Variants in SPOPL observed in about 807,000 individuals in gnomAD.
SPOPL encodes the protein speckle type BTB/POZ protein like.
Under a neutral mutation model 53.8 loss-of-function variants are expected in SPOPL, and 23 were observed. The observed-to-expected ratio is 0.43, with a 90% CI of 0.31 to 0.61. SPOPL has a LOEUF of 0.61. SPOPL is among the 20% of genes least tolerant of loss of function. The pLI is 0.12. For synonymous variants in SPOPL, 164 were observed against 149.7 expected (o/e 1.10, Z -0.70); for missense variants, 442 against 466.9 (o/e 0.95, Z 0.49).
At chr2:138,547,242 A>G (rs1685215846) in intron 1 of SPOPL, among the ~76,000 whole-genome samples, 1 of 152,206 alleles carries the variant, frequency 6.6e-6, no homozygotes, top group Non-Finnish European at 1.5e-5. Context: ...CTGGGATTAC[A>G]GGCGTGAGCC....
intron 1 of SPOPL, among the ~76,000 whole-genome samples, chr2:138,543,082 G>A (rs1685110787): frequency 6.6e-6 from 1 of 152,208 alleles, no homozygotes; most frequent in South Asian, 2.1e-4. Flanking sequence ...CTTCTGGCTT[G>A]TAGAGTTTCT....
intron 1 of SPOPL, among the ~76,000 whole-genome samples, chr2:138,512,797 A>G (rs1173019715): frequency 6.6e-6 from 1 of 152,110 alleles, no homozygotes; most frequent in Non-Finnish European, 1.5e-5. Context: ...TTATTGACTG[A>G]CTGTTAAATA....
chr2:138,555,756 A>T (rs1685410923), intron 5 of SPOPL, among the ~76,000 whole-genome samples: 1 of 152,198 alleles, frequency 6.6e-6, no homozygotes, highest in South Asian at 2.1e-4. Context: ...AGATCCCTCA[A>T]ATGTTCCTTG....
At chr2:138,559,665 G>A (rs1013806832) in intron 7 of SPOPL, among the ~76,000 whole-genome samples, 1 of 152,146 alleles carries the variant, frequency 6.6e-6, no homozygotes, top group Non-Finnish European at 1.5e-5. Context: ...TTCTCCCTTT[G>A]TAAGACTTTA....
At chr2:138,511,132 T>G (rs779543927) in intron 1 of SPOPL, among the ~76,000 whole-genome samples, 1 of 152,230 alleles carries the variant, frequency 6.6e-6, no homozygotes, top group Middle Eastern at 3.2e-3. Context: ...ATGAAAATAC[T>G]TTTTCCTGTA....
intron 1 of SPOPL, among the ~76,000 whole-genome samples, chr2:138,514,712 G>A (rs918623347): frequency 2.0e-5 from 3 of 152,070 alleles, no homozygotes; most frequent in Non-Finnish European, 4.4e-5. Flanking sequence ...GCATTTCCCT[G>A]GGTAATGTAC....
intron 1 of SPOPL, among the ~76,000 whole-genome samples, chr2:138,531,471 G>C (rs1014534819): frequency 6.6e-6 from 1 of 151,726 alleles, no homozygotes; most frequent in Non-Finnish European, 1.5e-5. Flanking sequence ...ACAATTTTTC[G>C]TTGGCCAGTT....
At chr2:138,525,164 C>T (rs111448058) in intron 1 of SPOPL, among the ~76,000 whole-genome samples, 277 of 152,312 alleles carry the variant, frequency 1.8e-3, no homozygotes, top group African/African-American at 6.5e-3. Flanking sequence ...GCCTCACAAT[C>T]ATGGCAGAAG....
rs774356762 is a variant in SPOPL at position 138,563,125 on chromosome 2, AT to A, written c.838-1580del. ...AACTCAGTTATAAGAAAACAATGTT[AT>A]TTCTAAAAGACAAAACGTTTGAGCA... On this transcript the variant is annotated intron_variant, in intron 8 of 10. Coordinates refer to ENST00000280098, the MANE Select transcript of SPOPL (RefSeq NM_001001664.3). Among the ~76,000 whole-genome samples, 109 of 152,332 alleles carry A rather than the reference AT, an allele frequency of 7.2e-4. 1 individual carries two copies. The highest frequency in any genetic ancestry group is 8.2e-4 in the Non-Finnish European group (56 of 68,020).
chr2:138,542,236 A>C (rs1227630580), intron 1 of SPOPL, among the ~76,000 whole-genome samples: 1 of 152,178 alleles, frequency 6.6e-6, no homozygotes, highest in Non-Finnish European at 1.5e-5. Flanking sequence ...AGAGTTCTGT[A>C]GATGTCTATT....
At chr2:138,522,211 G>T (rs1008089835) in intron 1 of SPOPL, among the ~76,000 whole-genome samples, 3 of 152,122 alleles carry the variant, frequency 2.0e-5, no homozygotes, top group African/African-American at 7.2e-5. Context: ...AATCACTTGA[G>T]GGGGGATTGT....
intron 4 of SPOPL, 150 bp downstream of exon 4, chr2:138,551,204 A>T: frequency 1.2e-6 from 1 of 833,288 alleles, no homozygotes; most frequent in Non-Finnish European, 1.8e-6. Context: ...TAAATCCAGC[A>T]TAGAGCTATA....
At chr2:138,525,702 G>A (rs535768460) in intron 1 of SPOPL, among the ~76,000 whole-genome samples, 7 of 150,482 alleles carry the variant, frequency 4.7e-5, no homozygotes, top group African/African-American at 1.7e-4. Context: ...GCAAAGTATG[G>A]TGGCACATGG....
At chr2:138,562,783 CAAAAA>C (rs35397774) in intron 8 of SPOPL, among the ~76,000 whole-genome samples, 19 of 64,136 alleles carry the variant, frequency 3.0e-4, no homozygotes, top group African/African-American at 8.3e-4. Context: ...GATTCCATCT[CAAAAA>C]AAAAAAAAAA....
chr2:138,551,071 C>G lies in SPOPL; in HGVS notation c.352+17C>G. On this transcript the variant is annotated intron_variant, in intron 4 of 10. Coordinates refer to ENST00000280098, the MANE Select transcript of SPOPL (RefSeq NM_001001664.3). Reference sequence around the variant, plus strand: ...AAGCAATGGGTAAGTGATTTGCAAACTAAGTGAAGACATTTCTGTATAACT... The same window carrying G: ...AAGCAATGGGTAAGTGATTTGCAAAGTAAGTGAAGACATTTCTGTATAACT... 6.2e-7 allele frequency: 1 copy of G among 1,611,618 alleles called. No homozygotes were observed. Among genetic ancestry groups the G allele is most frequent in the Non-Finnish European group, 8.5e-7 (1 of 1,178,798 alleles).
At chr2:138,532,592 A>C (rs1573884468) in intron 1 of SPOPL, among the ~76,000 whole-genome samples, 1 of 122,848 alleles carries the variant, frequency 8.1e-6, no homozygotes, top group African/African-American at 3.6e-5. Flanking sequence ...ACGCCCGGCT[A>C]ATTTTTTTTT....
chr2:138,567,444 G>A (rs374589520), intron 10 of SPOPL, among the ~76,000 whole-genome samples: 2 of 140,624 alleles, frequency 1.4e-5, no homozygotes, highest in African/African-American at 5.3e-5. Context: ...TTGCGGGCGG[G>A]GAGGTAGTTA....
chr2:138,518,202 G>C (rs1023159411), intron 1 of SPOPL, among the ~76,000 whole-genome samples: 1 of 151,968 alleles, frequency 6.6e-6, no homozygotes, highest in Non-Finnish European at 1.5e-5. Flanking sequence ...AAAATGTTTA[G>C]CCAAATTGTT....
chr2:138,550,886 T>A lies in SPOPL; in HGVS notation c.201-17T>A. The A allele has an allele frequency of 6.3e-7, 1 of 1,598,988 alleles. No homozygotes were observed. On this transcript the variant is annotated splice_polypyrimidine_tract_variant and intron_variant, in intron 3 of 10. Transcript: ENST00000280098. ...AAGTATTATATTCCTCCATGTGAGC[T>A]TATTGTTTTATTTTAGGTGCCTGAG...
Sources: gnomAD v4.1 joint callset for allele counts (sites outside exome capture counted in the v4.1 genomes callset) on GRCh38, gnomAD v4.1.1 for gene constraint, MANE v1.5 for transcripts, NCBI Gene and HGNC (gene_info 2026-07-23, HGNC 2026-07-21) for gene names.